AHI1: variants seen among roughly 807,000 people sequenced by gnomAD.
AHI1 encodes Abelson helper integration site 1.
In AHI1, 123 loss-of-function variants were observed where a neutral mutation model predicts 149.3. The ratio of observed to expected loss-of-function variants is 0.82; its 90% CI spans 0.71 to 0.96. AHI1 has a LOEUF of 0.96. AHI1 is among the 40% of genes least tolerant of loss of function. The pLI is 0.00. For synonymous variants in AHI1, 475 were observed against 459.8 expected (o/e 1.03, Z -0.42); for missense variants, 1,439 against 1,422.7 (o/e 1.01, Z -0.18).
At chr6:135,387,605 T>C (rs564391017) in intron 23 of AHI1, among the ~76,000 whole-genome samples, 3 of 152,346 alleles carry the variant, frequency 2.0e-5, no homozygotes, top group Admixed American at 6.5e-5. Flanking sequence ...CTTAATGCCT[T>C]TTTTGGCATG....
chr6:135,452,507 T>C (rs1187312819), intron 11 of AHI1, among the ~76,000 whole-genome samples: 1 of 152,212 alleles, frequency 6.6e-6, no homozygotes, highest in Non-Finnish European at 1.5e-5. Flanking sequence ...AGTATCTACA[T>C]TTGCTCCCTC....
intron 5 of AHI1, among the ~76,000 whole-genome samples, chr6:135,480,920 T>C (rs1467112810): frequency 6.6e-6 from 1 of 152,320 alleles, no homozygotes; most frequent in East Asian, 1.9e-4. Flanking sequence ...ACGTTCCTTA[T>C]GAGAATCTAA....
At chr6:135,306,131 T>G (rs193128384) in intron 26 of AHI1, among the ~76,000 whole-genome samples, 2 of 152,198 alleles carry the variant, frequency 1.3e-5, no homozygotes, top group Non-Finnish European at 2.9e-5. Context: ...CCAGACTGTC[T>G]TCTACTACAG....
At chr6:135,489,598 A>G (rs1794959177) in intron 5 of AHI1, among the ~76,000 whole-genome samples, 1 of 152,126 alleles carries the variant, frequency 6.6e-6, no homozygotes, top group Non-Finnish European at 1.5e-5. Context: ...TAGTACCACC[A>G]GAAAAAGCAC....
chr6:135,434,755 A>G (rs951687509), intron 15 of AHI1, among the ~76,000 whole-genome samples: 2 of 152,140 alleles, frequency 1.3e-5, no homozygotes, highest in African/African-American at 4.8e-5. Flanking sequence ...AAATTTGTAA[A>G]GACTGAATGA....
intron 5 of AHI1, among the ~76,000 whole-genome samples, chr6:135,471,518 T>C (rs988691083): frequency 3.9e-5 from 6 of 152,366 alleles, no homozygotes; most frequent in East Asian, 1.9e-4. Context: ...CTAGTTGTAC[T>C]GTACTATTTT....
At chr6:135,363,634 G>A (rs1794292516) in intron 23 of AHI1, among the ~76,000 whole-genome samples, 2 of 151,398 alleles carry the variant, frequency 1.3e-5, no homozygotes, top group South Asian at 4.2e-4. Context: ...GCCGGGCAGA[G>A]GCGCCCCTCA....
chr6:135,396,743 A>T (rs1318147792), intron 22 of AHI1, among the ~76,000 whole-genome samples: 1 of 151,758 alleles, frequency 6.6e-6, no homozygotes, highest in South Asian at 2.1e-4. Context: ...TAATGCATTT[A>T]AAAATCTGGT....
intron 27 of AHI1, among the ~76,000 whole-genome samples, chr6:135,291,907 A>G (rs1179385618): frequency 6.6e-6 from 1 of 152,176 alleles, no homozygotes; most frequent in Non-Finnish European, 1.5e-5. Flanking sequence ...CAAGCCAAAG[A>G]TAATACAGCA....
rs568377857 is a variant in AHI1 at position 135,340,379 on chromosome 6, A to C, written c.3166-17055T>G. Among the ~76,000 whole-genome samples, 280 of 152,010 alleles carry C rather than the reference A, an allele frequency of 1.8e-3. 1 individual carries two copies. Among genetic ancestry groups the C allele is most frequent in the African/African-American group, 6.6e-3 (272 of 41,472 alleles). ...GAGCGAGACTCTGTCTCAAAAAACA[A>C]AAACCAAAACAAAAACAAACAAAAA... is the stretch of plus-strand genomic sequence containing the variant. On this transcript the variant is annotated intron_variant, in intron 24 of 28. Transcript: ENST00000265602.
rs1025956580 is a variant in AHI1 at position 135,430,092 on chromosome 6, C to T, written c.2374-92G>A. ...AAAATTAATCTTAAAATATCATTTC[C>T]AATTCCACTGTATAGGATGCTTTAA... On this transcript the variant is annotated intron_variant, in intron 17 of 28. Transcript: ENST00000265602. The T allele has an allele frequency of 1.6e-5, 11 of 692,070 alleles. No homozygotes were observed. The African/African-American group carries it at 2.0e-4, about 13-fold the overall frequency. The allele number at this position is 692,070 out of a possible 1,614,324, so 42.9% of individuals were successfully genotyped here. A position where few individuals can be genotyped will look rare whatever the true frequency, so the allele number is the denominator to read the frequency against.
chr6:135,428,708 A>G lies in AHI1; in HGVS notation c.2544T>C (p.His848=), dbSNP rs1000498079. Residue 848 remains histidine, a synonymous_variant, in exon 19 of 29, where the codon CAT becomes CAC. Coordinates refer to ENST00000265602, the MANE Select transcript of AHI1 (RefSeq NM_001134831.2). ...AAGTCCCACATGGAGTCAAAGTACT[A>G]TGAATCTTCTCCCGATAATTTGCTG... ...VGAANYREKI[H]STLTPCGTFL... 2 of 1,608,444 alleles carry G rather than the reference A, an allele frequency of 1.2e-6. No individual in the cohort carries two copies. The highest frequency in any genetic ancestry group is 1.1e-5 in the South Asian group (1 of 90,168).
chr6:135,395,692 C>A (rs543697474), intron 22 of AHI1, among the ~76,000 whole-genome samples: 1 of 151,750 alleles, frequency 6.6e-6, no homozygotes, highest in Non-Finnish European at 1.5e-5. Flanking sequence ...ATTAACAAAT[C>A]AATCATTTAA....
intron 21 of AHI1, among the ~76,000 whole-genome samples, chr6:135,406,432 G>T (rs1780806552): frequency 6.6e-6 from 1 of 152,162 alleles, no homozygotes; most frequent in African/African-American, 2.4e-5. Context: ...GTGTGATCTT[G>T]GTTATGTGGC....
chr6:135,388,174 A>G, intron 23 of AHI1: 1 of 888,656 alleles, frequency 1.1e-6, no homozygotes. Context: ...ACAATAGTGA[A>G]TTAATGCCTT....
chr6:135,482,894 C>CTTTTTTTTTTTTTTTTTTT (rs761997683), intron 5 of AHI1, among the ~76,000 whole-genome samples: 1,145 of 55,710 alleles, frequency 0.021, 462 homozygotes, highest in Middle Eastern at 0.042. Context: ...CCATTTAAGG[C>CTTTTTTTTTTTTTTTTTTT]TTTTTTTTTT....
chr6:135,301,067 A>G, intron 26 of AHI1: 1 of 985,252 alleles, frequency 1.0e-6, no homozygotes, highest in Non-Finnish European at 1.2e-6. Context: ...GAGAAAAACA[A>G]TAAGCACTTT....
chr6:135,447,654 T>C (rs1469203068), intron 12 of AHI1, among the ~76,000 whole-genome samples: 1 of 152,192 alleles, frequency 6.6e-6, no homozygotes, highest in Non-Finnish European at 1.5e-5. Context: ...AAAATTAATG[T>C]CTTACAAGAA....
intron 26 of AHI1, chr6:135,302,827 A>C: frequency 7.8e-7 from 1 of 1,288,666 alleles, no homozygotes; most frequent in Non-Finnish European, 1.0e-6. Flanking sequence ...CCTTTAAACG[A>C]AAAAGCCCCC....
Sources: allele counts gnomAD v4.1 joint callset (sites outside exome capture counted in the v4.1 genomes callset), GRCh38; gene constraint gnomAD v4.1.1; transcripts MANE v1.5; gene names NCBI Gene and HGNC (gene_info 2026-07-23, HGNC 2026-07-21).